Variants in EFTUD2 observed in about 807,000 individuals in gnomAD.
The protein encoded by EFTUD2 is elongation factor Tu GTP binding domain containing 2.
In EFTUD2, 9 loss-of-function variants were observed where a neutral mutation model predicts 114.3. The ratio of observed to expected loss-of-function variants is 0.08; its 90% CI spans 0.05 to 0.14. The LOEUF is 0.14. EFTUD2 is among the 10% of genes least tolerant of loss of function. The pLI, the probability that EFTUD2 is intolerant of heterozygous loss-of-function variation, is 1.00. For synonymous variants in EFTUD2, 449 were observed against 462.3 expected (o/e 0.97, Z 0.37); for missense variants, 765 against 1,241.2 (o/e 0.62, Z 5.76).
Position 44,864,999 on chromosome 17 carries a change from C to T in EFTUD2, c.1216G>A (p.Glu406Lys), listed in dbSNP as rs1278574730. The change falls in exon 14 of 28, where the codon GAG (glutamate) becomes AAG (lysine). Residue 406 changes from glutamate (E) to lysine (K), a missense_variant. Transcript: ENST00000426333. ...GGGCGGATGTTCAGCTTCAGCTCCT[C>T]CTTCGTCAGGTGGATGCCAAGCTCG... ...LDELGIHLTKEELKLNIRPLL... is the reference protein window; with the variant it reads ...LDELGIHLTKKELKLNIRPLL... 1 of 1,614,196 alleles carries T rather than the reference C, an allele frequency of 6.2e-7. No individual in the cohort carries two copies. Among genetic ancestry groups the T allele is most frequent in the Non-Finnish European group, 8.5e-7 (1 of 1,180,042 alleles).
intron 19 of EFTUD2, among the ~76,000 whole-genome samples, chr17:44,858,429 G>A (rs2050596466): frequency 6.6e-6 from 1 of 151,994 alleles, no homozygotes; most frequent in South Asian, 2.1e-4. Flanking sequence ...TTTTGAGACA[G>A]GGTATGACTC....
At chr17:44,891,613 G>A (rs538620952) in intron 2 of EFTUD2, among the ~76,000 whole-genome samples, 17 of 152,246 alleles carry the variant, frequency 1.1e-4, no homozygotes, top group African/African-American at 3.9e-4. Flanking sequence ...ACCTTCCAAA[G>A]TGCTGGGGTT....
At chr17:44,887,698 G>T (rs2051199366) in intron 2 of EFTUD2, among the ~76,000 whole-genome samples, 1 of 152,126 alleles carries the variant, frequency 6.6e-6, no homozygotes, top group South Asian at 2.1e-4. Context: ...GAGGACAATG[G>T]GTAAGGGGTG....
rs759610669 is a variant in EFTUD2, at chr17:44,854,926, C to T, written c.2124G>A (p.Thr708=). The change falls in exon 21 of 28, where the codon ACG becomes ACA. Residue 708 remains threonine (T), a synonymous_variant. Transcript: ENST00000426333. This position sits in a 1 kb window ranked among gnomAD's most constrained non-coding sequence, Gnocchi z 4.3. Reference sequence around the variant, plus strand: ...CAGAGCCCTGTTCTCACCTGTTCCACGTAATCTGGACCACCTCATTCTCTA... The same window carrying T: ...CAGAGCCCTGTTCTCACCTGTTCCATGTAATCTGGACCACCTCATTCTCTA... ...EDIENEVVQI[T]WNRKKLGEFF... The T allele has an allele frequency of 2.9e-5, 46 of 1,614,016 alleles. No individual in the cohort carries two copies. Among genetic ancestry groups the T allele is most frequent in the South Asian group, 5.5e-5 (5 of 91,092 alleles).
intron 10 of EFTUD2, among the ~76,000 whole-genome samples, chr17:44,875,318 C>T (rs908848810): frequency 6.6e-6 from 1 of 152,124 alleles, no homozygotes; most frequent in South Asian, 2.1e-4. Flanking sequence ...ATCACGAGCT[C>T]AGAAGGTCAA....
At position 44,865,174 on chromosome 17, in the gene EFTUD2, C is replaced by G. The variant is rs2050722909; in HGVS notation, c.1150-109G>C. 5 of 1,465,982 alleles carry G rather than the reference C, an allele frequency of 3.4e-6. No individual in the cohort carries two copies. The South Asian group carries it at 6.7e-5, about 20-fold the overall frequency. The allele number at this position is 1,465,982 out of a possible 1,614,324, so 90.8% of individuals were successfully genotyped here. ...ATCTGAAGAACTCCTTCACAAGGCT[C>G]TCTTCTATGGAGACAAAGCTCTTGG... On this transcript the variant is annotated intron_variant, in intron 13 of 27. Coordinates refer to ENST00000426333, the MANE Select transcript of EFTUD2 (RefSeq NM_004247.4).
intron 19 of EFTUD2, among the ~76,000 whole-genome samples, chr17:44,858,683 T>C (rs2050601693): frequency 6.6e-6 from 1 of 152,084 alleles, no homozygotes; most frequent in Non-Finnish European, 1.5e-5. Context: ...GCTCAAGCAA[T>C]CCTCTCACCT....
At chr17:44,868,479 T>A in intron 11 of EFTUD2, 129 bp from the exon 12 acceptor site, 1 of 802,208 alleles carries the variant, frequency 1.2e-6, no homozygotes, top group Non-Finnish European at 2.0e-6. Flanking sequence ...GGCAGTTCCT[T>A]CTAACCAGAG....
chr17:44,899,393 C>G lies in EFTUD2; in HGVS notation c.-29G>C, dbSNP rs549521858. The G allele has an allele frequency of 1.3e-5, 2 of 152,422 alleles. No homozygotes were observed. Among genetic ancestry groups the G allele is most frequent in the Non-Finnish European group, 2.9e-5 (2 of 68,100 alleles). The allele number at this position is 152,422 out of a possible 1,614,324, so 9.4% of individuals were successfully genotyped here. The stretch of plus-strand genomic sequence containing the variant: ...CCTCTCGCCTGCTCAGCTAAGAGTT[C>G]CCAGGCCGCTGCCGGAGATCGTGCT... On this transcript the variant is annotated 5_prime_UTR_variant, in exon 1 of 28. Coordinates refer to ENST00000426333, the MANE Select transcript of EFTUD2 (RefSeq NM_004247.4).
intron 2 of EFTUD2, chr17:44,894,067 C>CAAA (rs60319837): frequency 2.0e-4 from 31 of 158,034 alleles, no homozygotes; most frequent in East Asian, 1.8e-3. Flanking sequence ...GAGACTGTCT[C>CAAA]AAAAAAAAAA....
chr17:44,896,712 T>C (rs2051392317), intron 1 of EFTUD2, among the ~76,000 whole-genome samples: 1 of 152,182 alleles, frequency 6.6e-6, no homozygotes, highest in African/African-American at 2.4e-5. Flanking sequence ...CTATAGTTTA[T>C]AAGCAATAAA....
chr17:44,886,959 A>G (rs2051186167), intron 2 of EFTUD2, among the ~76,000 whole-genome samples: 1 of 152,126 alleles, frequency 6.6e-6, no homozygotes, highest in South Asian at 2.1e-4. Flanking sequence ...CCTGGTTCAA[A>G]CTTGCCCCTT....
At chr17:44,890,071 G>A (rs998911782) in intron 2 of EFTUD2, among the ~76,000 whole-genome samples, 1 of 151,996 alleles carries the variant, frequency 6.6e-6, no homozygotes, top group Non-Finnish European at 1.5e-5. Context: ...GCAGTGGCGC[G>A]ATCTCAGCTC....
At chr17:44,862,474 G>C (rs143188344) in intron 16 of EFTUD2, among the ~76,000 whole-genome samples, 172 of 152,222 alleles carry the variant, frequency 1.1e-3, no homozygotes, top group African/African-American at 3.9e-3. Context: ...GTTCACACGA[G>C]CCACCCAAAG....
chr17:44,850,396 G>A lies in EFTUD2; in HGVS notation c.*878C>T, dbSNP rs575205601. 5.6e-6 allele frequency: 9 copies of A among 1,611,298 alleles called. No homozygotes were observed. Among genetic ancestry groups the A allele is most frequent in the Non-Finnish European group, 7.6e-6 (9 of 1,178,132 alleles). On this transcript the variant is annotated 3_prime_UTR_variant, in exon 28 of 28. Transcript: ENST00000426333. ...TGGCACAGGATGCTGGAGAGAAGTA[G>A]GACTCCTATAGGAGCCGGGGCTGTC...
Position 44,873,214 on chromosome 17 carries a change from A to C in EFTUD2, c.870-644T>G, listed in dbSNP as rs905150958. ...ATATAGAAATAAAGGTATGGCTTAT[A>C]AAGAACAGCCCTCTACCCCATTGCA... On this transcript the variant is annotated intron_variant, in intron 10 of 27. Transcript: ENST00000426333. 22 of 152,358 alleles carry C rather than the reference A, an allele frequency of 1.4e-4. 1 individual carries two copies. The highest frequency in any genetic ancestry group is 5.3e-4 in the African/African-American group (22 of 41,574). The allele number at this position is 152,358 out of a possible 1,614,324, so 9.4% of individuals were successfully genotyped here.
intron 19 of EFTUD2, among the ~76,000 whole-genome samples, chr17:44,857,921 T>A (rs1005494682): frequency 1.1e-5 from 1 of 94,152 alleles, no homozygotes; most frequent in African/African-American, 4.5e-5. Flanking sequence ...TTCTTTTTCC[T>A]TTTTTTTTTT....
intron 19 of EFTUD2, 175 bp from the exon 20 acceptor site, chr17:44,857,332 C>T (rs1287646516): frequency 3.7e-6 from 2 of 536,488 alleles, no homozygotes; most frequent in Admixed American, 3.1e-5. Flanking sequence ...CAAATCATCA[C>T]CAAAAAGCCC....
chr17:44,860,559 A>G lies in EFTUD2; in HGVS notation c.1608-16T>C. The G allele has an allele frequency of 6.5e-7, 1 of 1,548,344 alleles. No homozygotes were observed. Among genetic ancestry groups the G allele is most frequent in the South Asian group, 1.1e-5 (1 of 89,736 alleles). ...GATGTGGTACCTGAAGCAATGTCCAATAAGCAGCAGTGAAACTTAGGCAGA... is the reference window on the plus strand; with the variant it reads ...GATGTGGTACCTGAAGCAATGTCCAGTAAGCAGCAGTGAAACTTAGGCAGA... On this transcript the variant is annotated splice_polypyrimidine_tract_variant and intron_variant, in intron 16 of 27. Coordinates refer to ENST00000426333, the MANE Select transcript of EFTUD2 (RefSeq NM_004247.4).
Sources: gnomAD v4.1 joint callset for allele counts (sites outside exome capture counted in the v4.1 genomes callset) on GRCh38, gnomAD v4.1.1 for gene constraint, Gnocchi (gnomAD v3.1) non-coding constraint, MANE v1.5 for transcripts, NCBI Gene and HGNC (gene_info 2026-07-23, HGNC 2026-07-21) for gene names.